Variants in ALKBH5 observed in about 807,000 individuals in gnomAD.
The protein encoded by ALKBH5 is alkB homolog 5, RNA demethylase.
A neutral mutation model predicts 32.1 loss-of-function variants in ALKBH5; 2 were observed. The observed-to-expected ratio is 0.06, with a 90% CI of 0.03 to 0.20. The LOEUF is 0.20. ALKBH5 is among the 10% of genes least tolerant of loss of function. ALKBH5 has a pLI of 1.00. For missense variants in ALKBH5, 352 were observed against 559.5 expected, an observed-to-expected ratio of 0.63 and a Z score of 3.74; for synonymous variants, 300 against 231.7, an observed-to-expected ratio of 1.29 and a Z score of -2.68.
In ALKBH5 at chr17:18,209,361, C is replaced by T. The variant is rs3088233; in HGVS notation, c.*965C>T. Reference sequence around the variant, plus strand: ...TTTTTCCTTTCCCTTCCCTTCTCCACTGGCCAGCTTGGGCCTCATCCTCAT... The same window carrying T: ...TTTTTCCTTTCCCTTCCCTTCTCCATTGGCCAGCTTGGGCCTCATCCTCAT... On this transcript the variant is annotated 3_prime_UTR_variant, in exon 4 of 4. Transcript: ENST00000399138. 32,047 of 152,266 alleles carry T rather than the reference C, an allele frequency of 0.21. 3,695 individuals carry two copies. The highest frequency in any genetic ancestry group is 0.31 in the Middle Eastern group (92 of 294). The allele number at this position is 152,266 out of a possible 1,614,324, so 9.4% of individuals were successfully genotyped here. A position where few individuals can be genotyped will look rare whatever the true frequency, so the allele number is the denominator to read the frequency against.
At chr17:18,203,588 G>A (rs1049292492) in intron 2 of ALKBH5, among the ~76,000 whole-genome samples, 7 of 152,224 alleles carry the variant, frequency 4.6e-5, no homozygotes, top group Admixed American at 2.6e-4. Context: ...CACCTGAGGA[G>A]GCCTGGGTCC....
At chr17:18,200,137 C>A (rs2047228115) in intron 2 of ALKBH5, among the ~76,000 whole-genome samples, 1 of 150,390 alleles carries the variant, frequency 6.6e-6, no homozygotes, top group South Asian at 2.1e-4. Context: ...AAATTACATC[C>A]AGCTTTGCGG....
intron 2 of ALKBH5, among the ~76,000 whole-genome samples, chr17:18,203,375 C>A (rs886607614): frequency 1.3e-5 from 2 of 152,216 alleles, no homozygotes; most frequent in East Asian, 3.9e-4. Flanking sequence ...AGGATCAACT[C>A]CCTCCCTTCC....
chr17:18,205,880 GAC>G (rs1488847544), intron 2 of ALKBH5, among the ~76,000 whole-genome samples: 1 of 152,184 alleles, frequency 6.6e-6, no homozygotes, highest in South Asian at 2.1e-4. Context: ...GTGTCTAGCA[GAC>G]CCTGGAAAAG....
intron 3 of ALKBH5, 102 bp from the exon 4 acceptor site, chr17:18,208,117 G>T: frequency 7.7e-7 from 1 of 1,296,116 alleles, no homozygotes. Context: ...GAGGACCACT[G>T]AGCTGAAGTG....
intron 2 of ALKBH5, among the ~76,000 whole-genome samples, chr17:18,204,896 C>CA (rs373973808): frequency 0.021 from 3,216 of 149,898 alleles, 99 homozygotes; most frequent in African/African-American, 0.066. Flanking sequence ...CCTGTCTCGC[C>CA]AAAAAAAAAC....
At chr17:18,200,852 C>G (rs2047232319) in intron 2 of ALKBH5, among the ~76,000 whole-genome samples, 1 of 152,216 alleles carries the variant, frequency 6.6e-6, no homozygotes, top group African/African-American at 2.4e-5. Context: ...GAGTGGAGGA[C>G]TTGATACACC....
chr17:18,208,116 T>C, intron 3 of ALKBH5, 103 bp from the exon 4 acceptor site: 1 of 1,277,072 alleles, frequency 7.8e-7, no homozygotes, highest in Non-Finnish European at 1.1e-6. Flanking sequence ...TGAGGACCAC[T>C]GAGCTGAAGT....
At chr17:18,185,492 T>C (rs1043796649) in intron 1 of ALKBH5, among the ~76,000 whole-genome samples, 1 of 152,222 alleles carries the variant, frequency 6.6e-6, no homozygotes, top group African/African-American at 2.4e-5. Flanking sequence ...CCCCAGAGAT[T>C]ATTTAATTGA....
intron 1 of ALKBH5, among the ~76,000 whole-genome samples, 165 bp from the exon 2 acceptor site, chr17:18,194,790 T>TG (rs1214745760): frequency 6.6e-6 from 1 of 152,214 alleles, no homozygotes; most frequent in African/African-American, 2.4e-5. Flanking sequence ...AAAAGCATCC[T>TG]GGAACTTAAT....
intron 2 of ALKBH5, among the ~76,000 whole-genome samples, chr17:18,201,775 A>ATAGATAGGTAGATAGATAGG (rs1555550994): frequency 2.1e-5 from 3 of 141,770 alleles, no homozygotes; most frequent in Admixed American, 1.4e-4. Flanking sequence ...AGATAGATAG[A>ATAGATAGGTAGATAGATAGG]TAGATAGATA....
chr17:18,206,907 A>G lies in ALKBH5; in HGVS notation c.944A>G (p.Asn315Ser), dbSNP rs777881500. ...GCTTCAGATCGCCTGTCAGGAAACA[A>G]CAGGGACCCTGCTCTGAAACCCAAG... ...SYASDRLSGN[N>S]RDPALKPKRS... Residue 315 changes from asparagine to serine, a missense_variant, in exon 3 of 4, where the codon AAC (asparagine) becomes AGC (serine). Asn to Ser is a conservative substitution (Grantham distance 46). Coordinates refer to ENST00000399138, the MANE Select transcript of ALKBH5 (RefSeq NM_017758.4). 4 of 1,614,274 alleles carry G rather than the reference A, an allele frequency of 2.5e-6. No homozygotes were observed. The South Asian group carries it at 3.3e-5, about 13-fold the overall frequency.
At chr17:18,194,605 C>G (rs1416224181) in intron 1 of ALKBH5, among the ~76,000 whole-genome samples, 2 of 152,166 alleles carry the variant, frequency 1.3e-5, no homozygotes, top group Admixed American at 6.5e-5. Flanking sequence ...CTTTCTCTAC[C>G]TGCTAAATGG....
At chr17:18,201,474 C>T (rs2047235871) in intron 2 of ALKBH5, among the ~76,000 whole-genome samples, 1 of 152,186 alleles carries the variant, frequency 6.6e-6, no homozygotes, top group South Asian at 2.1e-4. Context: ...TAAACTCTTC[C>T]TGGCTGGGTG....
chr17:18,200,813 A>G (rs2047232165), intron 2 of ALKBH5, among the ~76,000 whole-genome samples: 1 of 152,098 alleles, frequency 6.6e-6, no homozygotes, highest in Admixed American at 6.5e-5. Context: ...GAGTCCAGGA[A>G]CTCTGTTCTG....
intron 1 of ALKBH5, among the ~76,000 whole-genome samples, chr17:18,189,255 G>A (rs11652229): frequency 1.8e-3 from 265 of 151,154 alleles, no homozygotes; most frequent in Non-Finnish European, 3.1e-3. Flanking sequence ...GGTGGCGGGC[G>A]CCTGTAGTCC....
intron 2 of ALKBH5, among the ~76,000 whole-genome samples, chr17:18,199,606 G>A (rs1254704395): frequency 1.3e-5 from 2 of 152,194 alleles, no homozygotes; most frequent in African/African-American, 4.8e-5. Flanking sequence ...AGTTGGAATG[G>A]CCTTTGAGCA....
chr17:18,201,531 G>C (rs2047236078), intron 2 of ALKBH5, among the ~76,000 whole-genome samples: 1 of 152,194 alleles, frequency 6.6e-6, no homozygotes, highest in Non-Finnish European at 1.5e-5. Flanking sequence ...GCCGAGGTGG[G>C]CGGATTGCCT....
chr17:18,203,872 T>C (rs775975047), intron 2 of ALKBH5, among the ~76,000 whole-genome samples: 3 of 152,208 alleles, frequency 2.0e-5, no homozygotes, highest in Non-Finnish European at 4.4e-5. Context: ...AGCTCTCATC[T>C]TGGTGGCTCT....
Sources: allele counts gnomAD v4.1 joint callset (sites outside exome capture counted in the v4.1 genomes callset), GRCh38; gene constraint gnomAD v4.1.1; transcripts MANE v1.5; gene names NCBI Gene and HGNC (gene_info 2026-07-23, HGNC 2026-07-21).